The following PRKCE variants were observed in gnomAD, a reference collection of about 807,000 sequenced individuals.
PRKCE encodes the protein protein kinase C epsilon type.
A neutral mutation model predicts 85.4 loss-of-function variants in PRKCE; 16 were observed. The observed-to-expected ratio is 0.19, with a 90% confidence interval of 0.13 to 0.28. The LOEUF (loss-of-function observed/expected upper bound fraction) is 0.28, where lower values mean the gene tolerates loss of function less well. PRKCE is among the 10% of genes least tolerant of loss of function. The probability of loss-of-function intolerance (pLI) is 1.00; values close to 1 mark genes in which losing one functional copy is unlikely to be tolerated. For missense variants in PRKCE, 573 were observed against 975.2 expected, an observed-to-expected ratio of 0.59 and a Z score of 5.49; for synonymous variants, 388 against 371.5, an observed-to-expected ratio of 1.04 and a Z score of -0.51.
Position 45,862,228 on chromosome 2 carries a change from A to ACACACACACG in PRKCE, c.412+19165_412+19166insCACACACACG, listed in dbSNP as rs70937973. 4.8e-5 allele frequency among the ~76,000 whole-genome samples: 7 copies of ACACACACACG among 146,456 alleles called. 1 individual carries two copies. Among genetic ancestry groups the ACACACACACG allele is most frequent in the Admixed American group, 1.4e-4 (2 of 14,628 alleles). On this transcript the variant is annotated intron_variant, in intron 2 of 14. Transcript: ENST00000306156. ...CACACACACACACACACACACACAC[A>ACACACACACG]GTATTTCAAATCTGTTACTCTGAAT...
At chr2:45,756,520 C>A (rs186788300) in intron 1 of PRKCE, among the ~76,000 whole-genome samples, 2 of 152,170 alleles carry the variant, frequency 1.3e-5, no homozygotes, top group Non-Finnish European at 2.9e-5. Flanking sequence ...AAGCATTTGT[C>A]CATTCAAAAT....
At chr2:45,760,547 T>A (rs1014579561) in intron 1 of PRKCE, among the ~76,000 whole-genome samples, 15 of 152,162 alleles carry the variant, frequency 9.9e-5, no homozygotes, top group African/African-American at 3.4e-4. Context: ...GCGTGGAGGA[T>A]TGAACACCAA....
At position 46,159,660 on chromosome 2, in the gene PRKCE, G is replaced by A. The variant is rs1282715106; in HGVS notation, c.1975G>A (p.Glu659Lys). 3 of 1,599,452 alleles carry A rather than the reference G, an allele frequency of 1.9e-6. No individual in the cohort carries two copies. The highest frequency in any genetic ancestry group is 1.7e-6 in the Non-Finnish European group (2 of 1,179,838). Residue 659 changes from glutamate (E) to lysine (K), a missense_variant, in exon 14 of 15, where the codon GAG becomes AAG. By Grantham distance (56) the Glu-to-Lys change is moderately conservative (BLOSUM62 1). This residue lies in a region of PRKCE where 72 missense variants were observed against 166.0 expected (regional missense o/e 0.43). Transcript: ENST00000306156. The surrounding 1 kb of genome is among the most constrained non-coding windows in gnomAD (Gnocchi z 4.1). ...RLGCVASQNG[E>K]DAIKQHPFFK... ...GGGCTGTGTGGCATCGCAGAATGGC[G>A]AGGACGCCATCAAGCAGCACCCATT...
chr2:45,757,544 G>C (rs1335989894), intron 1 of PRKCE, among the ~76,000 whole-genome samples: 2 of 152,052 alleles, frequency 1.3e-5, no homozygotes, highest in African/African-American at 4.8e-5. Flanking sequence ...GCATGCAGCT[G>C]TAGTGCCAGT....
At chr2:45,849,680 C>A (rs901835763) in intron 2 of PRKCE, among the ~76,000 whole-genome samples, 1 of 152,104 alleles carries the variant, frequency 6.6e-6, no homozygotes, top group Non-Finnish European at 1.5e-5. Context: ...CATGCATGGA[C>A]ATGTCAAATC....
chr2:45,814,606 C>T (rs939881013), intron 1 of PRKCE, among the ~76,000 whole-genome samples: 1 of 152,198 alleles, frequency 6.6e-6, no homozygotes, highest in Non-Finnish European at 1.5e-5. Context: ...ACTCCCTCAT[C>T]ACCACCGATC....
chr2:46,021,115 T>C (rs1218426052), intron 10 of PRKCE, among the ~76,000 whole-genome samples: 1 of 151,634 alleles, frequency 6.6e-6, no homozygotes, highest in Non-Finnish European at 1.5e-5. Flanking sequence ...CAGGGCACAG[T>C]GAGTTTGGGG....
intron 1 of PRKCE, among the ~76,000 whole-genome samples, chr2:45,799,943 A>T (rs1167861530): frequency 6.6e-6 from 1 of 152,180 alleles, no homozygotes; most frequent in Non-Finnish European, 1.5e-5. Context: ...GAATGTCTGG[A>T]CTTCTTGTCC....
chr2:45,781,541 G>C (rs4567997), intron 1 of PRKCE, among the ~76,000 whole-genome samples: 82,800 of 151,984 alleles, frequency 0.54, 25,043 homozygotes, highest in East Asian at 0.78. Flanking sequence ...CAGAGGGGCT[G>C]TTCTGCATAC....
rs1249546242 is a variant in PRKCE, at chr2:45,658,578, C to T, written c.348+6130C>T. Among the ~76,000 whole-genome samples the T allele has an allele frequency of 3.3e-5, 5 of 152,132 alleles. 1 individual carries two copies. The highest frequency in any genetic ancestry group is 7.2e-5 in the African/African-American group (3 of 41,428). On this transcript the variant is annotated intron_variant, in intron 1 of 14. Coordinates refer to ENST00000306156, the MANE Select transcript of PRKCE (RefSeq NM_005400.3). Reference sequence around the variant, plus strand: ...GCATGTGACTTAGGCTTTTTAAGCCCGTTTCTTCATCTGTAAAATGGAAAT... The same window carrying T: ...GCATGTGACTTAGGCTTTTTAAGCCTGTTTCTTCATCTGTAAAATGGAAAT...
intron 2 of PRKCE, among the ~76,000 whole-genome samples, chr2:45,947,240 C>G (rs1700303013): frequency 6.6e-6 from 1 of 152,116 alleles, no homozygotes; most frequent in African/African-American, 2.4e-5. Context: ...TTGTATGATT[C>G]TATTTGTGAT....
At chr2:45,826,160 A>G (rs779021177) in intron 1 of PRKCE, among the ~76,000 whole-genome samples, 35 of 152,116 alleles carry the variant, frequency 2.3e-4, no homozygotes, top group Non-Finnish European at 4.4e-4. Context: ...CCTGGTCTCA[A>G]TGTGTTGGAG....
At position 45,996,012 on chromosome 2, in the gene PRKCE, T is replaced by C. The variant is rs147804552; in HGVS notation, c.824-5392T>C. Among the ~76,000 whole-genome samples the C allele has an allele frequency of 2.4e-3, 367 of 152,370 alleles. 1 individual carries two copies. Among genetic ancestry groups the C allele is most frequent in the Admixed American group, 9.0e-3 (138 of 15,308 alleles). ...TCCATGAATACGGTATATCTCTATA[T>C]GTATTTAGTTCTTGATTTTTTTCAC... On this transcript the variant is annotated intron_variant, in intron 6 of 14. Coordinates refer to ENST00000306156, the MANE Select transcript of PRKCE (RefSeq NM_005400.3).
At chr2:46,075,628 A>AG (rs1052637835) in intron 10 of PRKCE, among the ~76,000 whole-genome samples, 28 of 152,114 alleles carry the variant, frequency 1.8e-4, no homozygotes, top group African/African-American at 6.8e-4. Flanking sequence ...ATCCACCTGT[A>AG]GTCCCAGCTA....
rs968878935 is a variant in PRKCE, at chr2:46,072,883, A to G, written c.1438-13325A>G. ...AGATTTACCAACACATGAAATTATC[A>G]GAGAAAAATGCAGTAGAATCACCAA... On this transcript the variant is annotated intron_variant, in intron 10 of 14. Transcript: ENST00000306156. Among the ~76,000 whole-genome samples, 5 of 152,358 alleles carry G rather than the reference A, an allele frequency of 3.3e-5. No homozygotes were observed. In the South Asian group the frequency reaches 6.2e-4, roughly 19 times the overall value.
intron 10 of PRKCE, among the ~76,000 whole-genome samples, chr2:46,032,612 T>C (rs1023743482): frequency 1.3e-5 from 2 of 152,218 alleles, no homozygotes; most frequent in Admixed American, 6.5e-5. Flanking sequence ...GGAGTTTTTA[T>C]TGGCTAGGCT....
chr2:45,830,900 C>T (rs1690368116), intron 1 of PRKCE, among the ~76,000 whole-genome samples: 1 of 152,194 alleles, frequency 6.6e-6, no homozygotes, highest in South Asian at 2.1e-4. Context: ...CTATTTCAAT[C>T]AGAATGTACT....
intron 1 of PRKCE, among the ~76,000 whole-genome samples, chr2:45,660,902 C>G (rs1400165999): frequency 6.6e-6 from 1 of 152,154 alleles, no homozygotes; most frequent in East Asian, 1.9e-4. Context: ...TTCATCGTAA[C>G]TCACTGACAT....
At chr2:45,869,738 C>T (rs1463205173) in intron 2 of PRKCE, among the ~76,000 whole-genome samples, 1 of 119,478 alleles carries the variant, frequency 8.4e-6, no homozygotes, top group Non-Finnish European at 1.6e-5. Context: ...GTTGGTGTCT[C>T]ACTCTGTCAC....
Sources: allele counts gnomAD v4.1 joint callset (sites outside exome capture counted in the v4.1 genomes callset), GRCh38; gene constraint gnomAD v4.1.1; regional missense constraint gnomAD v4.1.1; non-coding constraint Gnocchi (gnomAD v3.1); transcripts MANE v1.5; gene names NCBI Gene and HGNC (gene_info 2026-07-23, HGNC 2026-07-21).